REEP4: variants seen among roughly 807,000 people sequenced by gnomAD.
REEP4 encodes receptor expression-enhancing protein 4.
A neutral mutation model predicts 33.5 loss-of-function variants in REEP4; 17 were observed. That is an observed-to-expected ratio of 0.51 (90% CI 0.35 to 0.76). The LOEUF (loss-of-function observed/expected upper bound fraction) is 0.76, where lower values mean the gene tolerates loss of function less well. Among genes scored for constraint, REEP4 ranks in the 30% least tolerant of loss-of-function variants. The probability of loss-of-function intolerance (pLI) is 0.01; values close to 1 mark genes in which losing one functional copy is unlikely to be tolerated. For synonymous variants in REEP4, 157 were observed against 142.9 expected (o/e 1.10, Z -0.70); for missense variants, 340 against 357.9 (o/e 0.95, Z 0.40).
At chr8:22,140,829 G>A (rs1279642527) in intron 1 of REEP4, 132 bp from the exon 2 acceptor site, 5 of 758,104 alleles carry the variant, frequency 6.6e-6, no homozygotes, top group Non-Finnish European at 1.1e-5. Context: ...TGTACAACCC[G>A]TGCCTGAGTC....
At chr8:22,139,244 C>T (rs1160248177) in intron 5 of REEP4, 172 bp downstream of exon 5, 5 of 981,840 alleles carry the variant, frequency 5.1e-6, no homozygotes, top group Middle Eastern at 4.1e-4. Flanking sequence ...AGTGCCAGAG[C>T]CAGGAAGGAA....
chr8:22,139,289 C>A (rs777916892), intron 5 of REEP4, 127 bp downstream of exon 5: 2 of 935,572 alleles, frequency 2.1e-6, no homozygotes, highest in African/African-American at 3.3e-5. Flanking sequence ...TGCCAATACC[C>A]CCCCGTCACC....
Position 22,139,403 on chromosome 8 carries a change from G to T in REEP4, c.417+13C>A. 6.3e-7 allele frequency: 1 copy of T among 1,594,726 alleles called. No homozygotes were observed. ...GGGATGGGGGCTGCTGGAGGGCTGG[G>T]GGCCCAGAGCACCTTGGTGGCAGCC... On this transcript the variant is annotated intron_variant, in intron 5 of 7. Coordinates refer to ENST00000306306, the MANE Select transcript of REEP4 (RefSeq NM_025232.4).
At position 22,138,692 on chromosome 8, in the gene REEP4, G is replaced by C. The variant is rs770148056; in HGVS notation, c.655C>G (p.Leu219Val). 5.6e-6 allele frequency: 9 copies of C among 1,613,456 alleles called. No individual in the cohort carries two copies. Among genetic ancestry groups the C allele is most frequent in the Non-Finnish European group, 7.6e-6 (9 of 1,179,960 alleles). Residue 219 changes from leucine (L) to valine (V), a missense_variant, in exon 7 of 8, where the codon CTA becomes GTA. By Grantham distance (32) the Leu-to-Val change is conservative. Coordinates refer to ENST00000306306, the MANE Select transcript of REEP4 (RefSeq NM_025232.4). ...ACACGCAGGCTCTGGCTGCGGATTA[G>C]GGGCTTCTCTCGGGGCCGGGCTGGC... ...RAPARPREKP[L>V]IRSQSLRVVK...
Position 22,140,023 on chromosome 8 carries a change from G to T in REEP4, c.243C>A (p.Thr81=). 6.2e-7 allele frequency: 1 copy of T among 1,607,458 alleles called. No homozygotes were observed. ...TGCGGTAAAGCAGGCTGGCGCCCTT[G>T]GTGTAGGGTGAGAGCAGCCACAGCA... is the stretch of plus-strand genomic sequence containing the variant. ...AFVLWLLSPY[T]KGASLLYRKF... Residue 81 remains threonine, a synonymous_variant, in exon 4 of 8, where the codon ACC becomes ACA. Coordinates refer to ENST00000306306, the MANE Select transcript of REEP4 (RefSeq NM_025232.4).
Position 22,138,302 on chromosome 8 carries a change from T to A in REEP4, c.*185A>T, listed in dbSNP as rs763461472. 5 of 535,944 alleles carry A rather than the reference T, an allele frequency of 9.3e-6. No homozygotes were observed. In the Admixed American group the frequency reaches 1.2e-4, roughly 13 times the overall value. The allele number at this position is 535,944 out of a possible 1,614,324, so 33.2% of individuals were successfully genotyped here. A position where few individuals can be genotyped will look rare whatever the true frequency, so the allele number is the denominator to read the frequency against. On this transcript the variant is annotated 3_prime_UTR_variant, in exon 8 of 8. Transcript: ENST00000306306. ...CTGGGCCCAGCCTGCTTTGGTACAT[T>A]GTGGGTGCATCCCTGCATGTGGCCT...
At chr8:22,140,553 G>A (rs1030420655) in intron 2 of REEP4, 72 bp downstream of exon 2, 9 of 1,320,528 alleles carry the variant, frequency 6.8e-6, no homozygotes, top group Admixed American at 1.9e-5. Context: ...GCCCCTGGAG[G>A]AGGGAGAGGC....
In REEP4 at chr8:22,138,716, G is replaced by C. The variant is rs114619220; in HGVS notation, c.631C>G (p.Pro211Ala). ...AGGGGCTTCTCTCGGGGCCGGGCTG[G>C]CGCCCGGGGGACTGCCTCAGTATCT... is the stretch of plus-strand genomic sequence containing the variant. ...WSDTEAVPRA[P>A]ARPREKPLIR... Residue 211 changes from proline (P) to alanine (A), a missense_variant, in exon 7 of 8, where the codon CCA becomes GCA. By Grantham distance (27) the Pro-to-Ala change is conservative (BLOSUM62 -1). Coordinates refer to ENST00000306306, the MANE Select transcript of REEP4 (RefSeq NM_025232.4). 1,349 of 1,612,778 alleles carry C rather than the reference G, an allele frequency of 8.4e-4. 15 individuals carry two copies. The African/African-American group carries it at 0.017, about 20-fold the overall frequency.
chr8:22,139,247 G>A (rs936604434), intron 5 of REEP4, 169 bp downstream of exon 5: 23 of 972,526 alleles, frequency 2.4e-5, no homozygotes, highest in South Asian at 6.9e-5. Flanking sequence ...GCCAGAGCCA[G>A]GAAGGAAGGT....
chr8:22,139,067 A>AG lies in REEP4; in HGVS notation c.418-7dup, dbSNP rs764271152. The AG allele has an allele frequency of 6.4e-7, 1 of 1,563,660 alleles. No individual in the cohort carries two copies. The highest frequency in any genetic ancestry group is 1.9e-5 in the Admixed American group (1 of 52,970). The stretch of plus-strand genomic sequence containing the variant: ...CCGGCCAGCGCCCCCTGACTCTGCG[A>AG]GGGGGAAGAGGCTTCAGCGGGGAGG... On this transcript the variant is annotated splice_region_variant and splice_polypyrimidine_tract_variant and intron_variant, in intron 5 of 7. Transcript: ENST00000306306.
chr8:22,138,073 AACAC>A lies in REEP4; in HGVS notation c.*410_*413del. ...ACTCGCAAACCTGACCTCACTCACC[AACAC>A]ACACACACACAACCAGGACACATGT... On this transcript the variant is annotated 3_prime_UTR_variant, in exon 8 of 8. Coordinates refer to ENST00000306306, the MANE Select transcript of REEP4 (RefSeq NM_025232.4). The A allele has an allele frequency of 1.4e-5, 7 of 511,244 alleles. No individual in the cohort carries two copies. The highest frequency in any genetic ancestry group is 6.6e-5 in the East Asian group (2 of 30,082). The allele number at this position is 511,244 out of a possible 1,614,324, so 31.7% of individuals were successfully genotyped here. A position where few individuals can be genotyped will look rare whatever the true frequency, so the allele number is the denominator to read the frequency against.
chr8:22,141,127 T>C (rs189642593), intron 1 of REEP4, among the ~76,000 whole-genome samples: 20 of 152,378 alleles, frequency 1.3e-4, no homozygotes, highest in African/African-American at 3.6e-4. Flanking sequence ...AGCAGGCACC[T>C]GGATTCTCCG....
Position 22,139,488 on chromosome 8 carries a change from G to T in REEP4, c.345C>A (p.Tyr115Ter). Residue 115 changes from tyrosine to a stop codon, truncating the protein, a stop_gained, in exon 5 of 8, where the codon TAC (tyrosine) becomes TAA (stop). Transcript: ENST00000306306. LOFTEE classifies it high-confidence loss of function. Reference sequence around the variant, plus strand: ...GCTTCCCGAAGCTGAGCACGGTCTCGTAGCTGCGCTCCTTGGCCTGCACGA... The same window carrying T: ...GCTTCCCGAAGCTGAGCACGGTCTCTTAGCTGCGCTCCTTGGCCTGCACGA... ...AYIVQAKERS[Y>*]ETVLSFGKRG... is the part of the protein sequence containing the mutation. The T allele has an allele frequency of 1.9e-6, 3 of 1,610,824 alleles. No homozygotes were observed. The highest frequency in any genetic ancestry group is 2.2e-5 in the South Asian group (2 of 91,080).
chr8:22,141,464 A>C lies in REEP4; in HGVS notation c.19T>G (p.Cys7Gly). The C allele has an allele frequency of 6.2e-7, 1 of 1,600,980 alleles. No homozygotes were observed. Among genetic ancestry groups the C allele is most frequent in the Non-Finnish European group, 8.5e-7 (1 of 1,174,544 alleles). The change falls in exon 1 of 8, where the codon TGT (cysteine) becomes GGT (glycine). Residue 7 changes from cysteine (C) to glycine (G), a missense_variant. Physicochemically the swap from Cys to Gly is radical, Grantham distance 159. Coordinates refer to ENST00000306306, the MANE Select transcript of REEP4 (RefSeq NM_025232.4). MVSWMICRLVVLVFGML... is the reference protein window; with the variant it reads MVSWMIGRLVVLVFGML... ...GGCCATACTCACACCACCAGGCGAC[A>C]GATCATCCAGGACACCATCTTGCCG...
intron 1 of REEP4, 34 bp downstream of exon 1, chr8:22,141,417 G>T (rs904662402): frequency 6.3e-7 from 1 of 1,594,930 alleles, no homozygotes; most frequent in Non-Finnish European, 8.5e-7. Context: ...ACGGCACCCC[G>T]GGGTAGAGGA....
Position 22,139,373 on chromosome 8 carries a change from G to T in REEP4, c.417+43C>A. 3 of 1,506,750 alleles carry T rather than the reference G, an allele frequency of 2.0e-6. No individual in the cohort carries two copies. In the South Asian group the frequency reaches 3.4e-5, roughly 17 times the overall value. The allele number at this position is 1,506,750 out of a possible 1,614,324, so 93.3% of individuals were successfully genotyped here. The stretch of plus-strand genomic sequence containing the variant: ...AGCTGAATGAGCCCAAAGGGCCTTA[G>T]GGGTGGGATGGGGGCTGCTGGAGGG... On this transcript the variant is annotated intron_variant, in intron 5 of 7. Transcript: ENST00000306306.
In REEP4 at chr8:22,140,256, G is replaced by A. The variant is rs776786991; in HGVS notation, c.106-8C>T. The A allele has an allele frequency of 1.2e-6, 2 of 1,613,788 alleles. No homozygotes were observed. The highest frequency in any genetic ancestry group is 1.6e-4 in the Middle Eastern group (1 of 6,084). On this transcript the variant is annotated splice_polypyrimidine_tract_variant and splice_region_variant and intron_variant, in intron 2 of 7. Transcript: ENST00000306306. ...GTACATCATCCACCGCACCTGTGGG[G>A]TGAGCGCCCAGAGGTCAGCATGGGG...
Position 22,138,029 on chromosome 8 carries a change from T to C in REEP4, c.*458A>G, listed in dbSNP as rs1318956757. The C allele has an allele frequency of 1.7e-5, 7 of 403,450 alleles. No individual in the cohort carries two copies. Among genetic ancestry groups the C allele is most frequent in the Non-Finnish European group, 3.2e-5 (7 of 216,102 alleles). 25.0% of individuals were successfully genotyped at this position (403,450 alleles called of 1,614,324 possible). A position where few individuals can be genotyped will look rare whatever the true frequency, so the allele number is the denominator to read the frequency against. The stretch of plus-strand genomic sequence containing the variant: ...AATCAGGAGAAACAGAGCCCCTTTA[T>C]GTATTTATTTATCAAAACACTCGCA... On this transcript the variant is annotated 3_prime_UTR_variant, in exon 8 of 8. Coordinates refer to ENST00000306306, the MANE Select transcript of REEP4 (RefSeq NM_025232.4).
Position 22,138,095 on chromosome 8 carries a change from A to T in REEP4, c.*392T>A. 1.8e-6 allele frequency: 1 copy of T among 559,108 alleles called. No homozygotes were observed. The highest frequency in any genetic ancestry group is 2.1e-5 in the South Asian group (1 of 47,682). The allele number at this position is 559,108 out of a possible 1,614,324, so 34.6% of individuals were successfully genotyped here. A position where few individuals can be genotyped will look rare whatever the true frequency, so the allele number is the denominator to read the frequency against. On this transcript the variant is annotated 3_prime_UTR_variant, in exon 8 of 8. Transcript: ENST00000306306. ...ACCAACACACACACACACAACCAGG[A>T]CACATGTGCCAGGCCTTATGAAAGG...
Sources: gnomAD v4.1 joint callset for allele counts (sites outside exome capture counted in the v4.1 genomes callset) on GRCh38, gnomAD v4.1.1 for gene constraint, MANE v1.5 for transcripts, NCBI Gene and HGNC (gene_info 2026-07-23, HGNC 2026-07-21) for gene names.